DIS3L2: variants seen among roughly 807,000 people sequenced by gnomAD.
The protein encoded by DIS3L2 is DIS3-like exonuclease 2.
In DIS3L2, 34 loss-of-function variants were observed where a neutral mutation model predicts 97.5. That is an observed-to-expected ratio of 0.35 (90% CI 0.27 to 0.46). The LOEUF (loss-of-function observed/expected upper bound fraction) is 0.46, where lower values mean the gene tolerates loss of function less well. Among genes scored for constraint, DIS3L2 ranks in the 20% least tolerant of loss-of-function variants. The pLI, the probability that DIS3L2 is intolerant of heterozygous loss-of-function variation, is 1.00. For missense variants in DIS3L2, 1,038 were observed against 1,146.0 expected (o/e 0.91, Z 1.36); for synonymous variants, 435 against 445.2 (o/e 0.98, Z 0.29).
intron 14 of DIS3L2, among the ~76,000 whole-genome samples, chr2:232,302,789 G>A (rs1575005303): frequency 1.3e-5 from 2 of 151,982 alleles, no homozygotes; most frequent in East Asian, 3.9e-4. Flanking sequence ...TTGAATTCCT[G>A]ATCTAGGTGA....
chr2:232,330,876 T>C (rs994236643), intron 16 of DIS3L2, 100 bp downstream of exon 16: 29 of 1,222,568 alleles, frequency 2.4e-5, no homozygotes, highest in Non-Finnish European at 3.2e-5. Context: ...CGTTCCTGCC[T>C]GCTCTGGACA....
At chr2:232,167,631 G>T (rs1690863782) in intron 9 of DIS3L2, among the ~76,000 whole-genome samples, 1 of 152,176 alleles carries the variant, frequency 6.6e-6, no homozygotes, top group African/African-American at 2.4e-5. Context: ...TTGAAATTCA[G>T]CTAGTAAATT....
intron 3 of DIS3L2, among the ~76,000 whole-genome samples, chr2:232,021,781 G>C (rs1464714147): frequency 6.6e-6 from 1 of 152,164 alleles, no homozygotes; most frequent in Non-Finnish European, 1.5e-5. Context: ...TTAAAGTCAT[G>C]ATGGGGAAGC....
intron 9 of DIS3L2, chr2:232,172,868 T>C (rs1691033012): frequency 4.2e-6 from 2 of 472,378 alleles, no homozygotes; most frequent in South Asian, 3.2e-5. Context: ...CTGTCATGAC[T>C]AATGAGACTG....
chr2:232,046,468 A>T (rs1695247867), intron 5 of DIS3L2, among the ~76,000 whole-genome samples: 1 of 152,324 alleles, frequency 6.6e-6, no homozygotes, highest in East Asian at 1.9e-4. Flanking sequence ...CTTTGCTCTT[A>T]AGATAAAGAT....
chr2:232,252,903 A>C (rs1693455990), intron 12 of DIS3L2, among the ~76,000 whole-genome samples: 1 of 152,202 alleles, frequency 6.6e-6, no homozygotes. Context: ...AGAGGATTGC[A>C]CAGCCTGGGC....
intron 16 of DIS3L2, among the ~76,000 whole-genome samples, chr2:232,332,988 G>A (rs1246017702): frequency 2.0e-5 from 3 of 151,946 alleles, no homozygotes; most frequent in Non-Finnish European, 4.4e-5. Flanking sequence ...TGGGAGGATG[G>A]ACGTTGCCTC....
At chr2:232,290,356 CTG>C (rs1203453837) in intron 13 of DIS3L2, among the ~76,000 whole-genome samples, 1 of 152,226 alleles carries the variant, frequency 6.6e-6, no homozygotes, top group Non-Finnish European at 1.5e-5. Context: ...AAAGGTGCTC[CTG>C]TTCTGCTAAA....
intron 1 of DIS3L2, among the ~76,000 whole-genome samples, chr2:231,983,040 G>T (rs1020262566): frequency 6.6e-6 from 1 of 151,898 alleles, no homozygotes; most frequent in Non-Finnish European, 1.5e-5. Flanking sequence ...TGAAAGACAA[G>T]TATATTTTTA....
chr2:232,291,523 C>T (rs1018946772), intron 13 of DIS3L2, among the ~76,000 whole-genome samples: 7 of 152,266 alleles, frequency 4.6e-5, no homozygotes, highest in Non-Finnish European at 7.3e-5. Context: ...AGGCTGGAGG[C>T]TTCCCAGGCC....
intron 16 of DIS3L2, 148 bp from the exon 17 acceptor site, chr2:232,333,692 A>G: frequency 1.6e-6 from 2 of 1,245,702 alleles, no homozygotes; most frequent in East Asian, 2.5e-5. Context: ...CCCTGGCCCC[A>G]GTCCTCCCTG....
chr2:232,001,715 C>CTTTTTTTTT (rs36048859), intron 1 of DIS3L2, among the ~76,000 whole-genome samples: 2 of 60,048 alleles, frequency 3.3e-5, no homozygotes, highest in Non-Finnish European at 3.4e-5. Flanking sequence ...ATCTTTAATT[C>CTTTTTTTTT]TTTTTTTTTT....
intron 1 of DIS3L2, among the ~76,000 whole-genome samples, chr2:231,971,982 T>C (rs1011853203): frequency 6.6e-6 from 1 of 150,872 alleles, no homozygotes; most frequent in African/African-American, 2.4e-5. Flanking sequence ...GTCAAGAGAT[T>C]GAGACCATCC....
intron 13 of DIS3L2, among the ~76,000 whole-genome samples, chr2:232,289,679 A>G (rs1694545119): frequency 1.4e-5 from 2 of 142,494 alleles, no homozygotes; most frequent in Admixed American, 7.0e-5. Flanking sequence ...CCAAGCTCAT[A>G]TGATCTACAC....
At position 232,329,898 on chromosome 2, in the gene DIS3L2, C is replaced by T. The variant is rs370822831; in HGVS notation, c.1825C>T (p.Arg609Trp). 71 of 1,612,486 alleles carry T rather than the reference C, an allele frequency of 4.4e-5. No individual in the cohort carries two copies. The highest frequency in any genetic ancestry group is 5.0e-5 in the Admixed American group (3 of 59,926). ...CTTCCCCGAGCAGGCCCTGCTGCGCCGGCACCCCCCGCCCCAAACAAGGAT... is the reference window on the plus strand; with the variant it reads ...CTTCCCCGAGCAGGCCCTGCTGCGCTGGCACCCCCCGCCCCAAACAAGGAT... ...RAFPEQALLR[R>W]HPPPQTRMLS... Residue 609 changes from arginine to tryptophan, a missense_variant, in exon 15 of 21, where the codon CGG becomes TGG. Arg to Trp is a moderately radical substitution (Grantham distance 101, BLOSUM62 -3). Around this residue, in one of 3 missense-constraint regions of DIS3L2, gnomAD observed 813 missense variants for 880.1 expected, o/e 0.92. Coordinates refer to ENST00000325385, the MANE Select transcript of DIS3L2 (RefSeq NM_152383.5).
intron 6 of DIS3L2, chr2:232,111,052 A>T (rs1331435463): frequency 1.1e-5 from 4 of 356,540 alleles, no homozygotes; most frequent in Non-Finnish European, 2.3e-5. Flanking sequence ...TTTAAAAAGG[A>T]TAGGAAATTA....
At chr2:232,039,395 G>A (rs917034785) in intron 5 of DIS3L2, among the ~76,000 whole-genome samples, 3 of 152,074 alleles carry the variant, frequency 2.0e-5, no homozygotes, top group African/African-American at 7.2e-5. Flanking sequence ...GAGCCAATGT[G>A]GATTAATTGG....
intron 14 of DIS3L2, among the ~76,000 whole-genome samples, chr2:232,326,919 G>T (rs1224479943): frequency 6.6e-6 from 1 of 152,244 alleles, no homozygotes; most frequent in Non-Finnish European, 1.5e-5. Context: ...TGTGCTGGGG[G>T]TCCAGGGAGA....
intron 9 of DIS3L2, among the ~76,000 whole-genome samples, chr2:232,196,036 C>A (rs929655112): frequency 4.6e-5 from 7 of 152,082 alleles, no homozygotes; most frequent in African/African-American, 1.7e-4. Flanking sequence ...AGGTTAAAGG[C>A]AAGATGGAAT....
Sources: allele counts gnomAD v4.1 joint callset (sites outside exome capture counted in the v4.1 genomes callset), GRCh38; gene constraint gnomAD v4.1.1; regional missense constraint gnomAD v4.1.1; transcripts MANE v1.5; gene names NCBI Gene and HGNC (gene_info 2026-07-23, HGNC 2026-07-21).